Variants in BSG observed in about 807,000 individuals in gnomAD.
The protein encoded by BSG is basigin (Ok blood group).
Under a neutral mutation model 43.1 loss-of-function variants are expected in BSG, and 37 were observed. The observed-to-expected ratio is 0.86, with a 90% confidence interval of 0.66 to 1.13. BSG has a LOEUF of 1.13. Among genes scored for constraint, BSG ranks in the 50% most tolerant of loss-of-function variants. The pLI is 0.00. For missense variants in BSG, 599 were observed against 554.2 expected (o/e 1.08, Z -0.81); for synonymous variants, 309 against 238.7 (o/e 1.29, Z -2.72).
intron 1 of BSG, among the ~76,000 whole-genome samples, chr19:572,988 G>A (rs28989774): frequency 0.027 from 4,166 of 152,274 alleles, 177 homozygotes; most frequent in African/African-American, 0.095. Flanking sequence ...GCTTGGAGGC[G>A]GGAGCCAGGG....
chr19:571,919 TG>T (rs549828836), upstream of BSG, among the ~76,000 whole-genome samples: 77 of 152,280 alleles, frequency 5.1e-4, no homozygotes, highest in African/African-American at 1.8e-3. Flanking sequence ...ACTTTAGACC[TG>T]GAAGTTGAGT....
In BSG at chr19:578,068, G is replaced by T. The variant is rs771525888; in HGVS notation, c.362G>T (p.Arg121Leu). ...SNDPDRNHLT[R>L]APRVKWVRAQ... The stretch of plus-strand genomic sequence containing the variant: ...GACCCGGATCGCAACCACCTGACCC[G>T]GGCGCCCAGGGTCAAGTGGGTCCGC... Residue 121 changes from arginine to leucine, a missense_variant, in exon 2 of 9, where the codon CGG becomes CTG. By Grantham distance (102) the Arg-to-Leu change is moderately radical (BLOSUM62 -2). Coordinates refer to ENST00000333511, the MANE Select transcript of BSG (RefSeq NM_001728.4). 1.2e-6 allele frequency: 2 copies of T among 1,607,514 alleles called. No homozygotes were observed. Among genetic ancestry groups the T allele is most frequent in the Non-Finnish European group, 1.7e-6 (2 of 1,176,812 alleles).
At chr19:576,922 C>G (rs1434661376) in intron 1 of BSG, among the ~76,000 whole-genome samples, 1 of 151,452 alleles carries the variant, frequency 6.6e-6, no homozygotes, top group Non-Finnish European at 1.5e-5. Context: ...CACGCATATG[C>G]ACGTGTGTAT....
upstream of BSG, chr19:572,345 G>A (rs28915403): frequency 1.0e-3 from 1,067 of 1,039,012 alleles, 14 homozygotes; most frequent in African/African-American, 0.016. Context: ...AGGAAGAAAT[G>A]CGCAGGCTCC....
chr19:580,493 A>G (rs538015077), intron 4 of BSG, 32 bp downstream of exon 4: 531 of 1,608,450 alleles, frequency 3.3e-4, no homozygotes, highest in South Asian at 1.6e-3. Context: ...ACCGGGCACC[A>G]CCGACTGTCG....
intron 1 of BSG, among the ~76,000 whole-genome samples, chr19:576,253 G>A (rs539563939): frequency 5.3e-5 from 8 of 152,350 alleles, no homozygotes; most frequent in African/African-American, 1.9e-4. Context: ...TAGCACCCCT[G>A]GGTGAGGAGG....
At position 582,325 on chromosome 19, in the gene BSG, A is replaced by G. The variant is rs1486008889; in HGVS notation, c.1089A>G (p.Ala363=). The G allele has an allele frequency of 3.1e-6, 5 of 1,597,964 alleles. No individual in the cohort carries two copies. The highest frequency in any genetic ancestry group is 4.2e-6 in the Non-Finnish European group (5 of 1,176,510). ...DVLDDDDAGS[A]PLKSSGQHQN... The stretch of plus-strand genomic sequence containing the variant: ...CTTCAGATGACGACGCCGGCTCTGC[A>G]CCCCTGTAAGTTCCAGCTGTGGGGG... Residue 363 remains alanine (A), a synonymous_variant, in exon 7 of 9, where the codon GCA becomes GCG. Coordinates refer to ENST00000333511, the MANE Select transcript of BSG (RefSeq NM_001728.4).
At chr19:582,628 T>C in intron 8 of BSG, 46 bp downstream of exon 8, 1 of 14,524 alleles carries the variant, frequency 6.9e-5, no homozygotes, top group Non-Finnish European at 1.5e-4. Context: ...GGTGGGTGGG[T>C]GGGCGGGAAC....
At position 572,597 on chromosome 19, in the gene BSG, G is replaced by A; in HGVS notation, c.-38G>A. On this transcript the variant is annotated 5_prime_UTR_variant, in exon 1 of 9. Coordinates refer to ENST00000333511, the MANE Select transcript of BSG (RefSeq NM_001728.4). Reference sequence around the variant, plus strand: ...ATAGCGGCCGCGGGCGGCGGCGGCAGCGGTTGGAGGTTGTAGGACCGGCGA... The same window carrying A: ...ATAGCGGCCGCGGGCGGCGGCGGCAACGGTTGGAGGTTGTAGGACCGGCGA... 6.9e-7 allele frequency: 1 copy of A among 1,454,112 alleles called. No individual in the cohort carries two copies. The highest frequency in any genetic ancestry group is 9.1e-7 in the Non-Finnish European group (1 of 1,095,170). 90.1% of individuals were successfully genotyped at this position (1,454,112 alleles called of 1,614,324 possible).
chr19:582,487 C>G (rs1213057434), intron 7 of BSG, 27 bp from the exon 8 acceptor site: 3 of 1,605,542 alleles, frequency 1.9e-6, no homozygotes, highest in East Asian at 2.2e-5. Context: ...CGGGGGACAC[C>G]CTCTCACCCG....
At chr19:571,622 GA>G (rs1233698242), upstream of BSG, 3 of 779,268 alleles carry the variant, frequency 3.8e-6, no homozygotes, top group East Asian at 7.3e-5. Flanking sequence ...ATCCAAATGG[GA>G]TATTTGGGGG....
chr19:582,238 C>T (rs1982388195), intron 6 of BSG, 68 bp from the exon 7 acceptor site: 4 of 1,590,298 alleles, frequency 2.5e-6, no homozygotes, highest in Non-Finnish European at 3.4e-6. Flanking sequence ...CTGCTCGGGG[C>T]CTGAGTGGGG....
chr19:580,352 C>T (rs758686821), intron 3 of BSG, 27 bp from the exon 4 acceptor site: 8 of 1,604,702 alleles, frequency 5.0e-6, no homozygotes, highest in African/African-American at 4.0e-5. Flanking sequence ...AGCTGGTACG[C>T]GGCTCACCTG....
upstream of BSG, chr19:571,597 C>T (rs1465384149): frequency 1.3e-6 from 1 of 779,602 alleles, no homozygotes; most frequent in African/African-American, 1.7e-5. Context: ...CCAGCCTCTC[C>T]TGAAACAGAA....
chr19:578,174 C>A, intron 2 of BSG, 53 bp downstream of exon 2: 1 of 1,448,600 alleles, frequency 6.9e-7, no homozygotes, highest in Non-Finnish European at 9.2e-7. Context: ...TCCTGTGCCG[C>A]TCGCCTCCCG....
intron 7 of BSG, 46 bp from the exon 8 acceptor site, chr19:582,463 GAGAGA>G: frequency 6.7e-7 from 1 of 1,486,468 alleles, no homozygotes; most frequent in Non-Finnish European, 9.3e-7. Context: ...GGGTGACTTG[GAGAGA>G]GTGACTTGCG....
chr19:580,827 A>G, intron 5 of BSG, 45 bp downstream of exon 5: 1 of 1,562,478 alleles, frequency 6.4e-7, no homozygotes, highest in Non-Finnish European at 8.7e-7. Flanking sequence ...AGCCCTCAGG[A>G]CTGGGTGAGA....
At chr19:572,491 G>A (rs902391814), upstream of BSG, 9 of 1,189,182 alleles carry the variant, frequency 7.6e-6, no homozygotes, top group African/African-American at 1.3e-4. Context: ...CAGGCGGGGC[G>A]ACCGGCGTCC....
chr19:575,598 A>C (rs1981695856), intron 1 of BSG, among the ~76,000 whole-genome samples: 1 of 7,120 alleles, frequency 1.4e-4, no homozygotes, highest in Non-Finnish European at 2.5e-4. Context: ...CTGTCTGAGC[A>C]CTGGGGTGGG....
Sources: allele counts gnomAD v4.1 joint callset (sites outside exome capture counted in the v4.1 genomes callset), GRCh38; gene constraint gnomAD v4.1.1; transcripts MANE v1.5; gene names NCBI Gene and HGNC (gene_info 2026-07-23, HGNC 2026-07-21).